The following SLC1A1 variants were observed in gnomAD, a reference collection of about 807,000 sequenced individuals.
SLC1A1 encodes excitatory amino acid transporter 3.
SLC1A1 carries 43 observed loss-of-function variants against 53.3 expected under a neutral mutation model. That is an observed-to-expected ratio of 0.81 (90% confidence interval 0.63 to 1.04). SLC1A1 has a LOEUF of 1.04. Ranked by LOEUF, SLC1A1 falls within the 50% of genes least tolerant of loss-of-function variation. The pLI is 0.00. For missense variants in SLC1A1, 748 were observed against 664.9 expected (o/e 1.12, Z -1.37); for synonymous variants, 307 against 243.2 (o/e 1.26, Z -2.44).
chr9:4,538,734 C>T (rs891520742), intron 1 of SLC1A1, among the ~76,000 whole-genome samples: 5 of 152,232 alleles, frequency 3.3e-5, no homozygotes, highest in Middle Eastern at 6.8e-3. Flanking sequence ...CCGGAATTCC[C>T]GTGAAGAGCC....
At chr9:4,502,136 T>C (rs1586691322) in intron 1 of SLC1A1, among the ~76,000 whole-genome samples, 1 of 151,326 alleles carries the variant, frequency 6.6e-6, no homozygotes. Context: ...TCTGTAATTC[T>C]AGCACTTTGG....
At chr9:4,517,313 C>T (rs1815885786) in intron 1 of SLC1A1, among the ~76,000 whole-genome samples, 1 of 152,212 alleles carries the variant, frequency 6.6e-6, no homozygotes, top group Non-Finnish European at 1.5e-5. Flanking sequence ...TGAACTCCTA[C>T]AACTTTGGGG....
intron 1 of SLC1A1, among the ~76,000 whole-genome samples, chr9:4,513,262 C>G (rs1325720031): frequency 6.6e-6 from 1 of 152,108 alleles, no homozygotes; most frequent in African/African-American, 2.4e-5. Context: ...AATGAACAAA[C>G]AAGCTACAGA....
intron 1 of SLC1A1, among the ~76,000 whole-genome samples, chr9:4,542,492 G>C (rs971241352): frequency 6.6e-6 from 1 of 152,160 alleles, no homozygotes; most frequent in African/African-American, 2.4e-5. Context: ...CCTGAGATTG[G>C]GGCACATGGG....
chr9:4,564,005 G>T (rs1195216349), intron 3 of SLC1A1, among the ~76,000 whole-genome samples: 3 of 152,082 alleles, frequency 2.0e-5, no homozygotes, highest in African/African-American at 7.2e-5. Flanking sequence ...TCCTAGGCTG[G>T]TCTCATAAGT....
intron 1 of SLC1A1, among the ~76,000 whole-genome samples, chr9:4,498,548 A>C (rs563538232): frequency 9.9e-5 from 15 of 151,996 alleles, no homozygotes; most frequent in Non-Finnish European, 1.0e-4. Flanking sequence ...AAACAAAAAA[A>C]AGCATAGTTA....
chr9:4,575,581 G>A (rs751825285), intron 8 of SLC1A1, among the ~76,000 whole-genome samples: 1 of 152,168 alleles, frequency 6.6e-6, no homozygotes, highest in Non-Finnish European at 1.5e-5. Context: ...AAGGAAGGAA[G>A]GCTCAGCCCT....
At chr9:4,580,651 G>GTGTGTGTGTGTATGTGTGTA (rs370378540) in intron 10 of SLC1A1, among the ~76,000 whole-genome samples, 4 of 118,844 alleles carry the variant, frequency 3.4e-5, no homozygotes, top group African/African-American at 1.3e-4. Flanking sequence ...GTGTGTGTGT[G>GTGTGTGTGTGTATGTGTGTA]TATAAGGAAT....
In SLC1A1 at chr9:4,583,213, G is replaced by A. The variant is rs200255540; in HGVS notation, c.1328+41G>A. The A allele has an allele frequency of 3.1e-6, 5 of 1,612,978 alleles. No homozygotes were observed. The highest frequency in any genetic ancestry group is 4.2e-6 in the Non-Finnish European group (5 of 1,179,138). ...TGCACTGCCTTAGCTGGATGTGCAG[G>A]CGGGCTTCCCAGCCTCGCAGGCGCT... On this transcript the variant is annotated intron_variant, in intron 11 of 11. Coordinates refer to ENST00000262352, the MANE Select transcript of SLC1A1 (RefSeq NM_004170.6). This position sits in a 1 kb window ranked among gnomAD's most constrained non-coding sequence, Gnocchi z 4.6.
chr9:4,571,024 A>G lies in SLC1A1; in HGVS notation c.583-1180A>G, dbSNP rs144779307. Among the ~76,000 whole-genome samples the G allele has an allele frequency of 4.1e-4, 62 of 152,342 alleles. No homozygotes were observed. The East Asian group carries it at 9.6e-3, about 24-fold the overall frequency. ...GACTGGATAAAGAAAATGTGTACAT[A>G]TATACCATGGAATGCTATGCTGCCA... is the stretch of plus-strand genomic sequence containing the variant. On this transcript the variant is annotated intron_variant, in intron 6 of 11. Transcript: ENST00000262352.
intron 4 of SLC1A1, among the ~76,000 whole-genome samples, chr9:4,564,817 G>T (rs547323911): frequency 6.6e-6 from 1 of 152,254 alleles, no homozygotes; most frequent in South Asian, 2.1e-4. Context: ...AACCAGAGGG[G>T]TAAATAGGTC....
chr9:4,534,353 A>G (rs1351236850), intron 1 of SLC1A1, among the ~76,000 whole-genome samples: 1 of 152,152 alleles, frequency 6.6e-6, no homozygotes, highest in African/African-American at 2.4e-5. Context: ...AATCAAACAG[A>G]TGCAATTAAA....
chr9:4,574,002 C>T lies in SLC1A1; in HGVS notation c.863C>T (p.Thr288Ile). The T allele has an allele frequency of 3.1e-6, 5 of 1,604,674 alleles. No individual in the cohort carries two copies. Among genetic ancestry groups the T allele is most frequent in the Non-Finnish European group, 4.3e-6 (5 of 1,171,280 alleles). ...IFRKLGLYMA[T>I]VLTGLAIHSI... ...CGCAAGCTGGGCCTTTACATGGCCA[C>T]AGTCCTGACTGGGTATGTCAGACTC... Residue 288 changes from threonine (T) to isoleucine (I), a missense_variant, in exon 8 of 12, where the codon ACA (threonine) becomes ATA (isoleucine). Thr to Ile is a moderately conservative substitution (Grantham distance 89, BLOSUM62 -1). Coordinates refer to ENST00000262352, the MANE Select transcript of SLC1A1 (RefSeq NM_004170.6).
At chr9:4,499,007 T>A (rs1168175035) in intron 1 of SLC1A1, among the ~76,000 whole-genome samples, 4 of 144,258 alleles carry the variant, frequency 2.8e-5, no homozygotes, top group African/African-American at 1.0e-4. Context: ...AGATTATATA[T>A]TATATATATA....
At chr9:4,574,791 C>G (rs776431051) in intron 8 of SLC1A1, among the ~76,000 whole-genome samples, 5 of 152,184 alleles carry the variant, frequency 3.3e-5, no homozygotes, top group Non-Finnish European at 7.3e-5. Context: ...CCTACAAACA[C>G]CCAACTTGAG....
At chr9:4,526,711 CA>C (rs1816273446) in intron 1 of SLC1A1, among the ~76,000 whole-genome samples, 1 of 152,024 alleles carries the variant, frequency 6.6e-6, no homozygotes, top group African/African-American at 2.4e-5. Flanking sequence ...AGAATTCTAA[CA>C]AAATTACAAT....
At chr9:4,530,060 C>T (rs903003405) in intron 1 of SLC1A1, among the ~76,000 whole-genome samples, 1 of 152,078 alleles carries the variant, frequency 6.6e-6, no homozygotes, top group African/African-American at 2.4e-5. Context: ...TTAAAATGCA[C>T]CATAAATAAT....
chr9:4,507,842 C>T (rs936567101), intron 1 of SLC1A1, among the ~76,000 whole-genome samples: 2 of 152,088 alleles, frequency 1.3e-5, no homozygotes, highest in Admixed American at 1.3e-4. Context: ...AAACCTGCTG[C>T]AGGAGAGATG....
At chr9:4,542,123 A>T (rs1454347962) in intron 1 of SLC1A1, among the ~76,000 whole-genome samples, 1 of 151,822 alleles carries the variant, frequency 6.6e-6, no homozygotes, top group African/African-American at 2.4e-5. Context: ...CCAGCACTAG[A>T]TTGGTATTTC....
Sources: allele counts gnomAD v4.1 joint callset (sites outside exome capture counted in the v4.1 genomes callset), GRCh38; gene constraint gnomAD v4.1.1; non-coding constraint Gnocchi (gnomAD v3.1); transcripts MANE v1.5; gene names NCBI Gene and HGNC (gene_info 2026-07-23, HGNC 2026-07-21).